The following DNAH5 variants were observed in gnomAD, a reference collection of about 807,000 sequenced individuals.
DNAH5 encodes the protein axonemal beta dynein heavy chain 5.
Under a neutral mutation model 518.2 loss-of-function variants are expected in DNAH5, and 372 were observed. The ratio of observed to expected loss-of-function variants is 0.72; its 90% confidence interval spans 0.66 to 0.78. DNAH5 has a LOEUF of 0.78. Ranked by LOEUF, DNAH5 falls within the 30% of genes least tolerant of loss-of-function variation. DNAH5 has a pLI of 0.00. For synonymous variants in DNAH5, 2,039 were observed against 2,025.9 expected (o/e 1.01, Z -0.17); for missense variants, 5,523 against 5,687.0 (o/e 0.97, Z 0.93).
rs1359764951 is a variant in DNAH5, at chr5:13,894,651, G to A, written c.2430C>T (p.Ile810=). ...EAYLENTFAK[I]KDLELLLDRV... is the part of the protein sequence containing the mutation. ...TACTAATTATTCAGGCAGACTTACT[G>A]ATCTTTGCAAAAGTGTTTTCTAAAT... is the stretch of plus-strand genomic sequence containing the variant. Residue 810 remains isoleucine, a splice_region_variant and synonymous_variant, in exon 16 of 79, where the codon ATC becomes ATT. Coordinates refer to ENST00000265104, the MANE Select transcript of DNAH5 (RefSeq NM_001369.3). 1.2e-6 allele frequency: 2 copies of A among 1,613,878 alleles called. No homozygotes were observed. Among genetic ancestry groups the A allele is most frequent in the South Asian group, 1.1e-5 (1 of 91,074 alleles).
At chr5:13,853,538 A>C (rs2151889534) in intron 30 of DNAH5, among the ~76,000 whole-genome samples, 1 of 152,230 alleles carries the variant, frequency 6.6e-6, no homozygotes, top group Admixed American at 6.5e-5. Context: ...AATTGACAGA[A>C]GTAGGCTTCA....
chr5:13,752,209 AT>A lies in DNAH5; in HGVS notation c.10952del (p.Asp3651ValfsTer6). The part of the protein sequence containing the change: ...LSLGRPLLIE[D>X]VGEELDPALD... ...GTGCTGGATCTAGTTCCTCTCCAAC[AT>A]CTTCAATAAGCAAAGGCCTTCCAAG... On this transcript the variant is annotated frameshift_variant, in exon 64 of 79. Coordinates refer to ENST00000265104, the MANE Select transcript of DNAH5 (RefSeq NM_001369.3). LOFTEE classifies it high-confidence loss of function. 6.2e-7 allele frequency: 1 copy of A among 1,614,062 alleles called. No homozygotes were observed. The highest frequency in any genetic ancestry group is 8.5e-7 in the Non-Finnish European group (1 of 1,179,964).
chr5:13,884,815 G>C (rs1169044850), intron 19 of DNAH5, among the ~76,000 whole-genome samples, 174 bp downstream of exon 19: 1 of 152,182 alleles, frequency 6.6e-6, no homozygotes, highest in African/African-American at 2.4e-5. Flanking sequence ...CAACCTGGTC[G>C]ACAGGGCGAG....
Position 13,792,336 on chromosome 5 carries a change from A to T in DNAH5, c.8225-119T>A, listed in dbSNP as rs1007640865. 1.7e-5 allele frequency: 13 copies of T among 769,282 alleles called. No homozygotes were observed. The Admixed American group carries it at 2.3e-4, about 14-fold the overall frequency. The allele number at this position is 769,282 out of a possible 1,614,324, so 47.7% of individuals were successfully genotyped here. ...ATTATACATTTTAATAGATAATCAC[A>T]TATAAAAGAAAAGTATGTTAATGTT... is the stretch of plus-strand genomic sequence containing the variant. On this transcript the variant is annotated intron_variant, in intron 49 of 78. Transcript: ENST00000265104.
intron 47 of DNAH5, among the ~76,000 whole-genome samples, chr5:13,800,869 C>T (rs921960568): frequency 2.6e-5 from 4 of 152,026 alleles, no homozygotes; most frequent in Admixed American, 2.6e-4. Flanking sequence ...TAGATATGTT[C>T]GCTTATTAGA....
At chr5:14,003,957 G>A (rs1784542443) in intron 1 of DNAH5, among the ~76,000 whole-genome samples, 1 of 152,194 alleles carries the variant, frequency 6.6e-6, no homozygotes, top group Admixed American at 6.5e-5. Flanking sequence ...CCCCATGCCA[G>A]AACCACCCAA....
rs147271042 is a variant in DNAH5 at position 13,834,419 on chromosome 5, T to C, written c.5883-3644A>G. Among the ~76,000 whole-genome samples the C allele has an allele frequency of 6.9e-3, 1,055 of 152,328 alleles. 18 individuals carry two copies. Among genetic ancestry groups the C allele is most frequent in the African/African-American group, 0.024 (998 of 41,570 alleles). On this transcript the variant is annotated intron_variant, in intron 35 of 78. Coordinates refer to ENST00000265104, the MANE Select transcript of DNAH5 (RefSeq NM_001369.3). ...ATAGAAAAGTTTTCCCTCCCACACA[T>C]GCTACTTCATGTTCTTCTGTACCAT... is the stretch of plus-strand genomic sequence containing the variant.
chr5:13,728,019 A>G (rs1745982317), intron 69 of DNAH5, among the ~76,000 whole-genome samples: 2 of 152,216 alleles, frequency 1.3e-5, no homozygotes, highest in Admixed American at 6.5e-5. Flanking sequence ...TTCTCATGTC[A>G]GGAACCAAAT....
intron 1 of DNAH5, among the ~76,000 whole-genome samples, chr5:14,010,913 A>G (rs562400108): frequency 1.8e-4 from 28 of 152,246 alleles, no homozygotes; most frequent in African/African-American, 6.7e-4. Context: ...GTACCTGATG[A>G]AAATATATAT....
At chr5:13,939,103 G>A (rs4702002) in intron 1 of DNAH5, among the ~76,000 whole-genome samples, 45,396 of 151,938 alleles carry the variant, frequency 0.3, 7,248 homozygotes, top group African/African-American at 0.37. Flanking sequence ...CATTCCTACA[G>A]GAGTACCAGC....
At chr5:13,985,456 TATATATATATAA>T (rs1782988295) in intron 1 of DNAH5, among the ~76,000 whole-genome samples, 1 of 91,128 alleles carries the variant, frequency 1.1e-5, no homozygotes, top group Non-Finnish European at 2.2e-5. Flanking sequence ...TATATATATA[TATATATATATAA>T]AGCAAAGATG....
chr5:13,740,177 T>A (rs1748237852), intron 65 of DNAH5, among the ~76,000 whole-genome samples: 1 of 152,068 alleles, frequency 6.6e-6, no homozygotes, highest in Non-Finnish European at 1.5e-5. Context: ...CAAAATGAGA[T>A]TCAGAATCTA....
chr5:13,807,140 C>A (rs1027358010), intron 47 of DNAH5, among the ~76,000 whole-genome samples: 6 of 152,114 alleles, frequency 3.9e-5, no homozygotes, highest in African/African-American at 1.4e-4. Flanking sequence ...ATGTGAAATG[C>A]ATTTCTTTTG....
chr5:13,969,071 T>C (rs1378976437), intron 1 of DNAH5, among the ~76,000 whole-genome samples: 1 of 152,184 alleles, frequency 6.6e-6, no homozygotes, highest in Admixed American at 6.5e-5. Context: ...TAGGAATTTA[T>C]CCATCTCCTC....
At position 13,769,186 on chromosome 5, in the gene DNAH5, C is replaced by T. The variant is rs770103820; in HGVS notation, c.9721-50G>A. On this transcript the variant is annotated intron_variant, in intron 57 of 78. Transcript: ENST00000265104. ...ACTTCACCAAACAGTATTAAACATC[C>T]AGCTGAAAATGCACATTTTTGCCTT... The T allele has an allele frequency of 3.1e-6, 5 of 1,589,766 alleles. No homozygotes were observed. In the South Asian group the frequency reaches 5.5e-5, roughly 18 times the overall value.
chr5:13,692,147 A>G lies in DNAH5; in HGVS notation c.13724-12T>C. ...AGGATCTCGTAAAGCTACAAAAAAC[A>G]TAAAAGAAAAGAACTTGGTGAAATT... On this transcript the variant is annotated splice_polypyrimidine_tract_variant and intron_variant, in intron 78 of 78. Coordinates refer to ENST00000265104, the MANE Select transcript of DNAH5 (RefSeq NM_001369.3). 1.2e-6 allele frequency: 2 copies of G among 1,613,950 alleles called. No homozygotes were observed. The highest frequency in any genetic ancestry group is 1.7e-6 in the Non-Finnish European group (2 of 1,179,908).
intron 1 of DNAH5, among the ~76,000 whole-genome samples, chr5:13,996,731 TG>T: frequency 6.6e-6 from 1 of 152,372 alleles, no homozygotes; most frequent in Non-Finnish European, 1.5e-5. Flanking sequence ...ATGGCTTTGC[TG>T]GGCACAGCCC....
chr5:13,732,680 A>T (rs1448281757), intron 68 of DNAH5, among the ~76,000 whole-genome samples: 2 of 152,018 alleles, frequency 1.3e-5, no homozygotes, highest in Non-Finnish European at 1.5e-5. Flanking sequence ...GGCCTCTCTT[A>T]TAAGGGCATC....
At chr5:13,706,526 A>C (rs529955632) in intron 76 of DNAH5, among the ~76,000 whole-genome samples, 1 of 152,244 alleles carries the variant, frequency 6.6e-6, no homozygotes, top group African/African-American at 2.4e-5. Flanking sequence ...GTATTTTTTC[A>C]CCATAATTAA....
Sources: gnomAD v4.1 joint callset for allele counts (sites outside exome capture counted in the v4.1 genomes callset) on GRCh38, gnomAD v4.1.1 for gene constraint, MANE v1.5 for transcripts, NCBI Gene and HGNC (gene_info 2026-07-23, HGNC 2026-07-21) for gene names.